DNAH14: variants seen among roughly 807,000 people sequenced by gnomAD.
DNAH14 encodes axonemal beta dynein heavy chain 14.
In DNAH14, 478 loss-of-function variants were observed where a neutral mutation model predicts 520.9. The ratio of observed to expected loss-of-function variants is 0.92; its 90% CI spans 0.85 to 0.99. The LOEUF (loss-of-function observed/expected upper bound fraction) is 0.99, where lower values mean the gene tolerates loss of function less well. DNAH14 is among the 50% of genes least tolerant of loss of function. The pLI is 0.00. For synonymous variants in DNAH14, 1,581 were observed against 1,757.2 expected (o/e 0.90, Z 2.51); for missense variants, 4,831 against 5,234.5 (o/e 0.92, Z 2.38).
At chr1:225,262,295 C>T (rs2092961913) in intron 46 of DNAH14, among the ~76,000 whole-genome samples, 1 of 151,730 alleles carries the variant, frequency 6.6e-6, no homozygotes, top group Admixed American at 6.6e-5. Flanking sequence ...TGTAGGTTGT[C>T]TGTGTACTCT....
At chr1:225,337,729 A>T (rs2095087527) in intron 67 of DNAH14, among the ~76,000 whole-genome samples, 1 of 152,148 alleles carries the variant, frequency 6.6e-6, no homozygotes, top group African/African-American at 2.4e-5. Flanking sequence ...TTAAATTTTA[A>T]TTTTTGTGGG....
chr1:225,088,728 AG>A (rs1175137056), intron 21 of DNAH14, among the ~76,000 whole-genome samples: 1 of 152,232 alleles, frequency 6.6e-6, no homozygotes, highest in African/African-American at 2.4e-5. Context: ...TGGGGAAAAT[AG>A]ACAAATGACC....
chr1:225,026,575 G>A (rs2066137750), intron 11 of DNAH14, among the ~76,000 whole-genome samples: 1 of 152,172 alleles, frequency 6.6e-6, no homozygotes, highest in South Asian at 2.1e-4. Context: ...GACCAAAAAT[G>A]TGTGGGTTTA....
intron 8 of DNAH14, among the ~76,000 whole-genome samples, chr1:224,986,517 G>T (rs1295261921): frequency 6.7e-6 from 1 of 150,218 alleles, no homozygotes; most frequent in Non-Finnish European, 1.5e-5. Flanking sequence ...TTTGCATATT[G>T]ATTGATATGC....
chr1:225,293,392 T>A (rs186730554), intron 55 of DNAH14, among the ~76,000 whole-genome samples: 55 of 152,272 alleles, frequency 3.6e-4, no homozygotes, highest in Admixed American at 3.4e-3. Flanking sequence ...TGCAGCACTA[T>A]TCACAATAGC....
intron 11 of DNAH14, among the ~76,000 whole-genome samples, chr1:225,035,560 C>T (rs2066895789): frequency 6.6e-6 from 1 of 151,594 alleles, no homozygotes; most frequent in African/African-American, 2.4e-5. Flanking sequence ...GTTAGTACTG[C>T]TTTTGCAGTA....
At chr1:224,947,582 G>A (rs1448085350) in intron 1 of DNAH14, among the ~76,000 whole-genome samples, 1 of 151,858 alleles carries the variant, frequency 6.6e-6, no homozygotes, top group Non-Finnish European at 1.5e-5. Flanking sequence ...TTAATCTTTA[G>A]TATTATTCTA....
At chr1:225,008,575 C>CTTTTTTTTTTTT (rs57331050) in intron 10 of DNAH14, among the ~76,000 whole-genome samples, 146 of 98,288 alleles carry the variant, frequency 1.5e-3, no homozygotes, top group African/African-American at 4.6e-3. Context: ...TTTTTCCTGA[C>CTTTTTTTTTTTT]TTTTTTTTTT....
chr1:224,947,992 A>G (rs1457005457), intron 1 of DNAH14, among the ~76,000 whole-genome samples: 8 of 152,022 alleles, frequency 5.3e-5, no homozygotes, highest in Non-Finnish European at 1.0e-4. Context: ...TTAAAATTAT[A>G]TGTATTCTGC....
chr1:224,945,108 T>A (rs1384609987), intron 1 of DNAH14, among the ~76,000 whole-genome samples: 1 of 152,222 alleles, frequency 6.6e-6, no homozygotes, highest in Admixed American at 6.5e-5. Context: ...GGTTCCATTC[T>A]CCCCGTCATT....
At chr1:225,138,130 G>A (rs12758571) in intron 27 of DNAH14, among the ~76,000 whole-genome samples, 13,407 of 152,204 alleles carry the variant, frequency 0.088, 809 homozygotes, top group Non-Finnish European at 0.13. Flanking sequence ...CTGCTAGGGA[G>A]AGATCAGAGC....
intron 7 of DNAH14, chr1:224,969,210 A>C (rs968436562): frequency 1.0e-5 from 2 of 199,596 alleles, no homozygotes; most frequent in Admixed American, 6.3e-5. Flanking sequence ...AAAACTCTTA[A>C]TTTTAGTCTC....
At chr1:224,973,586 A>G (rs1204356465) in intron 7 of DNAH14, among the ~76,000 whole-genome samples, 1 of 152,226 alleles carries the variant, frequency 6.6e-6, no homozygotes, top group Non-Finnish European at 1.5e-5. Flanking sequence ...AAACTTTCCA[A>G]TTCTTTCTCA....
At chr1:225,293,820 GTTT>G (rs79189946) in intron 55 of DNAH14, among the ~76,000 whole-genome samples, 119 of 151,016 alleles carry the variant, frequency 7.9e-4, no homozygotes, top group African/African-American at 2.9e-3. Context: ...TAAAATAAAA[GTTT>G]TTTTTTTAAA....
At chr1:225,316,824 T>G (rs964237919) in intron 60 of DNAH14, among the ~76,000 whole-genome samples, 1 of 152,200 alleles carries the variant, frequency 6.6e-6, no homozygotes, top group African/African-American at 2.4e-5. Context: ...CATGCCACAC[T>G]CCTATAATAC....
Position 224,974,245 on chromosome 1 carries a change from A to G in DNAH14, c.830+92A>G, listed in dbSNP as rs550083816. 1.6e-5 allele frequency: 13 copies of G among 819,524 alleles called. No individual in the cohort carries two copies. In the African/African-American group the frequency reaches 2.1e-4, roughly 13 times the overall value. 50.8% of individuals were successfully genotyped at this position (819,524 alleles called of 1,614,324 possible). A position where few individuals can be genotyped will look rare whatever the true frequency, so the allele number is the denominator to read the frequency against. On this transcript the variant is annotated intron_variant, in intron 8 of 85. Transcript: ENST00000682510. The stretch of plus-strand genomic sequence containing the variant: ...AGCAGATATAATTTCATTTTCATTC[A>G]GTGATTAGAAAGTCACATTCCATTG...
At position 225,316,831 on chromosome 1, in the gene DNAH14, A is replaced by G. The variant is rs112347209; in HGVS notation, c.9241-1752A>G. Among the ~76,000 whole-genome samples, 726 of 152,240 alleles carry G rather than the reference A, an allele frequency of 4.8e-3. 4 individuals are homozygous for G. Among genetic ancestry groups the G allele is most frequent in the African/African-American group, 0.017 (690 of 41,528 alleles). ...GGCCCAATCATGCCACACTCCTATA[A>G]TACTTTTTTCTACGTTTTCTCACCG... On this transcript the variant is annotated intron_variant, in intron 60 of 85. Transcript: ENST00000682510.
intron 11 of DNAH14, among the ~76,000 whole-genome samples, chr1:225,032,562 G>A (rs1047487789): frequency 3.3e-5 from 5 of 151,948 alleles, no homozygotes; most frequent in African/African-American, 9.7e-5. Flanking sequence ...GTGTCTTTAC[G>A]GTAGAATGCT....
At position 225,318,583 on chromosome 1, in the gene DNAH14, A is replaced by T; in HGVS notation, c.9241A>T (p.Lys3081Ter). 6.5e-7 allele frequency: 1 copy of T among 1,542,580 alleles called. No individual in the cohort carries two copies. Among genetic ancestry groups the T allele is most frequent in the South Asian group, 1.2e-5 (1 of 81,290 alleles). Reference protein sequence around the residue: ...EVRIVEDYAQKTANELKSVLP... With the variant: ...EVRIVEDYAQ ...TTGGGGACCTATATTTTTATTGCAG[A>T]AAACTGCCAATGAACTAAAAAGTGT... The change falls in exon 61 of 86, where the codon AAA becomes TAA. Residue 3081 changes from lysine to a stop codon, truncating the protein, a stop_gained and splice_region_variant. Transcript: ENST00000682510. LOFTEE classifies it high-confidence loss of function.
Sources: allele counts gnomAD v4.1 joint callset (sites outside exome capture counted in the v4.1 genomes callset), GRCh38; gene constraint gnomAD v4.1.1; transcripts MANE v1.5; gene names NCBI Gene and HGNC (gene_info 2026-07-23, HGNC 2026-07-21).